The following CWC27 variants were observed in gnomAD, a reference collection of about 807,000 sequenced individuals.
CWC27 encodes the protein CWC27 spliceosome associated cyclophilin.
Under a neutral mutation model 63.6 loss-of-function variants are expected in CWC27, and 47 were observed. The ratio of observed to expected loss-of-function variants is 0.74; its 90% CI spans 0.58 to 0.94. The LOEUF (loss-of-function observed/expected upper bound fraction) is 0.94, where lower values mean the gene tolerates loss of function less well. Ranked by LOEUF, CWC27 falls within the 40% of genes least tolerant of loss-of-function variation. The pLI, the probability that CWC27 is intolerant of heterozygous loss-of-function variation, is 0.00. For synonymous variants in CWC27, 175 were observed against 179.8 expected (o/e 0.97, Z 0.22); for missense variants, 495 against 554.3 (o/e 0.89, Z 1.07).
At chr5:64,811,348 G>A (rs1371206723) in intron 10 of CWC27, among the ~76,000 whole-genome samples, 1 of 152,024 alleles carries the variant, frequency 6.6e-6, no homozygotes, top group Non-Finnish European at 1.5e-5. Flanking sequence ...GCTGTAATAA[G>A]TGGACCAGAT....
intron 11 of CWC27, among the ~76,000 whole-genome samples, chr5:64,912,929 C>T (rs1368959226): frequency 6.6e-6 from 1 of 151,942 alleles, no homozygotes; most frequent in Non-Finnish European, 1.5e-5. Flanking sequence ...GTTTATGAAG[C>T]CAACATAATC....
intron 10 of CWC27, among the ~76,000 whole-genome samples, chr5:64,862,917 G>A (rs1746446622): frequency 6.6e-6 from 1 of 152,144 alleles, no homozygotes; most frequent in Admixed American, 6.5e-5. Context: ...TGGTGGACAG[G>A]ATAAGAAACC....
chr5:64,892,141 G>A (rs1342546899), intron 11 of CWC27, among the ~76,000 whole-genome samples: 1 of 152,114 alleles, frequency 6.6e-6, no homozygotes, highest in Non-Finnish European at 1.5e-5. Context: ...ATATCTCTCT[G>A]CATCCCTTTG....
At chr5:65,001,281 C>A (rs542202657) in intron 13 of CWC27, among the ~76,000 whole-genome samples, 85 of 152,176 alleles carry the variant, frequency 5.6e-4, no homozygotes, top group Non-Finnish European at 1.0e-3. Flanking sequence ...GACAATTTGA[C>A]TTCTTTTCTG....
intron 10 of CWC27, among the ~76,000 whole-genome samples, chr5:64,849,243 A>G (rs1746069125): frequency 6.6e-6 from 1 of 152,074 alleles, no homozygotes; most frequent in South Asian, 2.1e-4. Context: ...AAAAAAAAAA[A>G]AGATAAGAAA....
chr5:64,769,854 G>A (rs1251662720), intron 1 of CWC27, among the ~76,000 whole-genome samples: 1 of 152,212 alleles, frequency 6.6e-6, no homozygotes, highest in Non-Finnish European at 1.5e-5. Context: ...TACCACATTA[G>A]AATGGGGAAA....
At chr5:64,795,873 A>G (rs1203458659) in intron 7 of CWC27, among the ~76,000 whole-genome samples, 1 of 152,042 alleles carries the variant, frequency 6.6e-6, no homozygotes, top group Non-Finnish European at 1.5e-5. Context: ...ATGCCTAACA[A>G]CAGGCCTTCT....
chr5:64,985,063 A>G (rs1240128703), intron 13 of CWC27, among the ~76,000 whole-genome samples: 1 of 152,128 alleles, frequency 6.6e-6, no homozygotes, highest in Non-Finnish European at 1.5e-5. Flanking sequence ...TGACTTTGCA[A>G]TTTTGTCAAA....
At position 64,885,485 on chromosome 5, in the gene CWC27, CTT is replaced by C; in HGVS notation, c.982_983del (p.Leu328SerfsTer19). 1 of 1,609,852 alleles carries C rather than the reference CTT, an allele frequency of 6.2e-7. No individual in the cohort carries two copies. Among genetic ancestry groups the C allele is most frequent in the Non-Finnish European group, 8.5e-7 (1 of 1,178,190 alleles). On this transcript the variant is annotated frameshift_variant, in exon 11 of 14. Transcript: ENST00000381070. LOFTEE classifies it high-confidence loss of function. Reference sequence around the variant, plus strand: ...AAGCAAGACAATTAAAACGGGAACTCTTAGCAGCAAAACAAAAAAAAGTAGAA... The same window carrying C: ...AAGCAAGACAATTAAAACGGGAACTCAGCAGCAAAACAAAAAAAAGTAGAA... ...KEARQLKREL[L>X]AAKQKKVENA...
chr5:64,835,730 G>A (rs1745642811), intron 10 of CWC27, among the ~76,000 whole-genome samples: 2 of 151,552 alleles, frequency 1.3e-5, no homozygotes, highest in African/African-American at 4.8e-5. Context: ...AGTCATTATA[G>A]GCTCTAGCAA....
intron 10 of CWC27, among the ~76,000 whole-genome samples, chr5:64,826,283 C>G (rs1745357103): frequency 6.6e-6 from 1 of 152,112 alleles, no homozygotes. Flanking sequence ...TGTTTAATTT[C>G]TAAATATTTG....
At chr5:64,791,330 T>G (rs1434351657) in intron 7 of CWC27, among the ~76,000 whole-genome samples, 5 of 152,236 alleles carry the variant, frequency 3.3e-5, no homozygotes, top group African/African-American at 7.2e-5. Flanking sequence ...CTTCTGCTGC[T>G]TTCTACTGTA....
intron 10 of CWC27, among the ~76,000 whole-genome samples, chr5:64,866,461 G>A (rs1746532564): frequency 6.6e-6 from 1 of 152,070 alleles, no homozygotes; most frequent in Admixed American, 6.6e-5. Context: ...GCAGTACACT[G>A]TACTTCTCTA....
At chr5:64,922,706 T>A (rs375584194) in intron 11 of CWC27, among the ~76,000 whole-genome samples, 4 of 152,152 alleles carry the variant, frequency 2.6e-5, no homozygotes, top group Non-Finnish European at 5.9e-5. Context: ...ACTGTTAGAG[T>A]TCCCAGAGTT....
chr5:65,018,126 A>G (rs761957138), intron 13 of CWC27, 33 bp from the exon 14 acceptor site: 31 of 1,543,104 alleles, frequency 2.0e-5, no homozygotes, highest in Middle Eastern at 3.5e-4. Flanking sequence ...TTCCCATGCA[A>G]GAAATCACTG....
At chr5:64,905,383 C>T (rs187499533) in intron 11 of CWC27, among the ~76,000 whole-genome samples, 81 of 152,148 alleles carry the variant, frequency 5.3e-4, no homozygotes, top group African/African-American at 1.9e-3. Flanking sequence ...CTGGTCCATG[C>T]AGGGCCAGTT....
At position 64,769,074 on chromosome 5, in the gene CWC27, A is replaced by C. The variant is rs764622997; in HGVS notation, c.-73A>C. On this transcript the variant is annotated 5_prime_UTR_variant, in exon 1 of 14. Transcript: ENST00000381070. ...TGGACTTAAGGAAGAGTGTACTCGTAGGCGGACAGCTTTAGTGGCCGGCCG... is the reference window on the plus strand; with the variant it reads ...TGGACTTAAGGAAGAGTGTACTCGTCGGCGGACAGCTTTAGTGGCCGGCCG... 9.6e-6 allele frequency: 12 copies of C among 1,246,548 alleles called. No individual in the cohort carries two copies. Among genetic ancestry groups the C allele is most frequent in the African/African-American group, 1.5e-5 (1 of 65,938 alleles). The allele number at this position is 1,246,548 out of a possible 1,614,324, so 77.2% of individuals were successfully genotyped here.
At chr5:64,932,285 A>G (rs1396191684) in intron 11 of CWC27, among the ~76,000 whole-genome samples, 2 of 152,126 alleles carry the variant, frequency 1.3e-5, no homozygotes, top group Non-Finnish European at 2.9e-5. Context: ...GCACACCTTC[A>G]ACTCCTCCAG....
chr5:64,870,075 C>T (rs1438314791), intron 10 of CWC27, among the ~76,000 whole-genome samples: 1 of 152,014 alleles, frequency 6.6e-6, no homozygotes, highest in Non-Finnish European at 1.5e-5. Context: ...GAATAATTCC[C>T]AGAACAGAAG....
Sources: allele counts gnomAD v4.1 joint callset (sites outside exome capture counted in the v4.1 genomes callset), GRCh38; gene constraint gnomAD v4.1.1; transcripts MANE v1.5; gene names NCBI Gene and HGNC (gene_info 2026-07-23, HGNC 2026-07-21).